Variants in FGF12 observed in about 807,000 individuals in gnomAD.
FGF12 encodes the protein fibroblast growth factor 12B.
FGF12 carries 14 observed loss-of-function variants against 23.6 expected under a neutral mutation model. The observed-to-expected ratio is 0.59, with a 90% confidence interval of 0.39 to 0.93. The LOEUF (loss-of-function observed/expected upper bound fraction) is 0.93. Ranked by LOEUF, FGF12 falls within the 40% of genes least tolerant of loss-of-function variation. The pLI is 0.00. For missense variants in FGF12, 175 were observed against 217.8 expected (o/e 0.80, Z 1.24); for synonymous variants, 62 against 77.3 (o/e 0.80, Z 1.04).
intron 4 of FGF12, among the ~76,000 whole-genome samples, chr3:192,188,073 G>T (rs1159120852): frequency 6.6e-6 from 1 of 152,102 alleles, no homozygotes; most frequent in Non-Finnish European, 1.5e-5. Flanking sequence ...GAGAGTAGTG[G>T]CCTCATGTAT....
At chr3:192,678,105 A>T (rs953560877) in intron 2 of FGF12, among the ~76,000 whole-genome samples, 1 of 152,202 alleles carries the variant, frequency 6.6e-6, no homozygotes, top group Non-Finnish European at 1.5e-5. Context: ...TGACAAAATG[A>T]CTAACCTCTA....
At chr3:192,503,603 G>GTTT (rs3074674) in intron 2 of FGF12, among the ~76,000 whole-genome samples, 5 of 99,124 alleles carry the variant, frequency 5.0e-5, no homozygotes, top group Admixed American at 1.0e-4. Flanking sequence ...GTGTGTGTGT[G>GTTT]TTTTTTTTTT....
At chr3:192,560,195 C>T (rs1711961016) in intron 2 of FGF12, among the ~76,000 whole-genome samples, 1 of 151,628 alleles carries the variant, frequency 6.6e-6, no homozygotes, top group Non-Finnish European at 1.5e-5. Flanking sequence ...TTCACGAAAA[C>T]AAATCACTCT....
intron 2 of FGF12, among the ~76,000 whole-genome samples, chr3:192,552,218 C>T (rs913961309): frequency 1.4e-4 from 21 of 151,650 alleles, no homozygotes; most frequent in African/African-American, 4.6e-4. Context: ...ATAAATTAAC[C>T]AATCTGAAGA....
At chr3:192,294,450 T>G (rs1461613129) in intron 4 of FGF12, among the ~76,000 whole-genome samples, 3 of 152,168 alleles carry the variant, frequency 2.0e-5, no homozygotes, top group African/African-American at 7.2e-5. Context: ...GCACAAACAT[T>G]CAGTCATAGC....
At chr3:192,585,651 C>G (rs1207427907) in intron 2 of FGF12, among the ~76,000 whole-genome samples, 1 of 152,074 alleles carries the variant, frequency 6.6e-6, no homozygotes, top group Non-Finnish European at 1.5e-5. Context: ...GGTTGCGTGA[C>G]ATTTCCTGCT....
rs1238541009 is a variant in FGF12, at chr3:192,567,779, TTCTTTC to T, written c.13+159396_13+159401del. 5.9e-5 allele frequency among the ~76,000 whole-genome samples: 8 copies of T among 135,792 alleles called. No individual in the cohort carries two copies. The East Asian group carries it at 1.6e-3, about 27-fold the overall frequency. 89.1% of individuals were successfully genotyped at this position (135,792 alleles called of 152,430 possible). A position where few individuals can be genotyped will look rare whatever the true frequency, so the allele number is the denominator to read the frequency against. On this transcript the variant is annotated intron_variant, in intron 2 of 5. Transcript: ENST00000445105. ...TTTCTTTCTTTCTTTCTTTCTTTCT[TTCTTTC>T]TTTCTTTCTTTCTTTCTCTTTCTTT...
At chr3:192,226,056 A>G (rs1411895889) in intron 4 of FGF12, among the ~76,000 whole-genome samples, 2 of 152,178 alleles carry the variant, frequency 1.3e-5, no homozygotes, top group Non-Finnish European at 2.9e-5. Context: ...CCTTCTGAAT[A>G]TGTTAAAACA....
chr3:192,651,885 C>T (rs1716225674), intron 2 of FGF12, among the ~76,000 whole-genome samples: 1 of 152,178 alleles, frequency 6.6e-6, no homozygotes. Context: ...AGCTAAGCTT[C>T]AATTGTCAGT....
chr3:192,149,071 T>A (rs1713891085), intron 5 of FGF12, among the ~76,000 whole-genome samples: 1 of 152,178 alleles, frequency 6.6e-6, no homozygotes, highest in Non-Finnish European at 1.5e-5. Context: ...ATCATATATA[T>A]CAGGCTCAAT....
chr3:192,673,460 G>C (rs1266255981), intron 2 of FGF12, among the ~76,000 whole-genome samples: 1 of 150,912 alleles, frequency 6.6e-6, no homozygotes, highest in Non-Finnish European at 1.5e-5. Context: ...GTATGCCATG[G>C]TGGTTTGCTG....
chr3:192,236,093 T>C (rs1719280041), intron 4 of FGF12, among the ~76,000 whole-genome samples: 1 of 152,200 alleles, frequency 6.6e-6, no homozygotes, highest in Non-Finnish European at 1.5e-5. Context: ...ATTTTTGATG[T>C]CTGCCTTAAT....
At chr3:192,426,782 T>A (rs1180727134) in intron 2 of FGF12, among the ~76,000 whole-genome samples, 2 of 152,218 alleles carry the variant, frequency 1.3e-5, no homozygotes, top group Admixed American at 6.5e-5. Flanking sequence ...AGTATCAGGA[T>A]TTAAAAGAAC....
chr3:192,204,448 C>T (rs1717537784), intron 4 of FGF12, among the ~76,000 whole-genome samples: 1 of 152,108 alleles, frequency 6.6e-6, no homozygotes, highest in African/African-American at 2.4e-5. Context: ...GAGAGTGCCA[C>T]TAAATATTTT....
chr3:192,698,902 G>A (rs1001896097), intron 2 of FGF12, among the ~76,000 whole-genome samples: 38 of 152,244 alleles, frequency 2.5e-4, no homozygotes, highest in African/African-American at 8.9e-4. Flanking sequence ...CCCTTTCAGA[G>A]TGCTCATCAC....
chr3:192,320,001 T>A (rs912154775), intron 4 of FGF12, among the ~76,000 whole-genome samples: 9 of 152,154 alleles, frequency 5.9e-5, no homozygotes, highest in African/African-American at 2.2e-4. Flanking sequence ...TCCTTCTTTA[T>A]CAATAATAAC....
chr3:192,646,096 G>C (rs1026856972), intron 2 of FGF12, among the ~76,000 whole-genome samples: 3 of 152,122 alleles, frequency 2.0e-5, no homozygotes, highest in Admixed American at 6.6e-5. Flanking sequence ...TTGTATTCAA[G>C]ATACTGAAAA....
At chr3:192,440,046 G>A (rs1238882123) in intron 2 of FGF12, among the ~76,000 whole-genome samples, 3 of 151,692 alleles carry the variant, frequency 2.0e-5, no homozygotes, top group African/African-American at 2.4e-5. Context: ...AGTAAATGTT[G>A]AATTGAGGTC....
At chr3:192,568,809 T>A (rs1712463652) in intron 2 of FGF12, among the ~76,000 whole-genome samples, 1 of 152,156 alleles carries the variant, frequency 6.6e-6, no homozygotes, top group African/African-American at 2.4e-5. Flanking sequence ...TGTGAGGTAG[T>A]GTTCAAGCAG....
Sources: allele counts gnomAD v4.1 joint callset (sites outside exome capture counted in the v4.1 genomes callset), GRCh38; gene constraint gnomAD v4.1.1; transcripts MANE v1.5; gene names NCBI Gene and HGNC (gene_info 2026-07-23, HGNC 2026-07-21).